The following MAD1L1 variants were observed in gnomAD, a reference collection of about 807,000 sequenced individuals.
MAD1L1 encodes the protein mitotic arrest deficient 1 like 1, also known as mitotic spindle assembly checkpoint protein MAD1.
A neutral mutation model predicts 96.9 loss-of-function variants in MAD1L1; 95 were observed. That is an observed-to-expected ratio of 0.98 (90% CI 0.83 to 1.16). MAD1L1 has a LOEUF of 1.16. MAD1L1 is among the 50% of genes most tolerant of loss of function. The probability of loss-of-function intolerance (pLI) is 0.00; values close to 1 mark genes in which losing one functional copy is unlikely to be tolerated. For missense variants in MAD1L1, 1,007 were observed against 954.4 expected, an observed-to-expected ratio of 1.06 and a Z score of -0.73; for synonymous variants, 473 against 396.6, an observed-to-expected ratio of 1.19 and a Z score of -2.29.
intron 16 of MAD1L1, among the ~76,000 whole-genome samples, chr7:1,949,961 G>A (rs966193016): frequency 1.3e-5 from 2 of 152,246 alleles, no homozygotes; most frequent in Admixed American, 1.3e-4. Flanking sequence ...TCTACCCCAA[G>A]TGCAAGACAT....
chr7:2,167,206 T>G lies in MAD1L1; in HGVS notation c.987-17968A>C, dbSNP rs370840043. On this transcript the variant is annotated intron_variant, in intron 10 of 18. Transcript: ENST00000265854. Reference sequence around the variant, plus strand: ...GGCAGGTCAGGGAAAACCAAGGGACTATGACTTCAGAGATAACAGGTGACA... The same window carrying G: ...GGCAGGTCAGGGAAAACCAAGGGACGATGACTTCAGAGATAACAGGTGACA... Among the ~76,000 whole-genome samples, 79 of 152,318 alleles carry G rather than the reference T, an allele frequency of 5.2e-4. 1 individual carries two copies. In the East Asian group the frequency reaches 0.014, roughly 28 times the overall value.
At chr7:2,211,360 G>A (rs865800401) in intron 10 of MAD1L1, among the ~76,000 whole-genome samples, 2 of 152,336 alleles carry the variant, frequency 1.3e-5, no homozygotes, top group Middle Eastern at 6.8e-3. Flanking sequence ...GCGCTCAGAT[G>A]CGGGAACAGG....
intron 12 of MAD1L1, among the ~76,000 whole-genome samples, chr7:2,043,830 A>G (rs1187874928): frequency 6.6e-6 from 1 of 152,190 alleles, no homozygotes; most frequent in Non-Finnish European, 1.5e-5. Flanking sequence ...CAACATAGAC[A>G]TAAGCTGGGC....
At chr7:1,917,635 G>A (rs946651246) in intron 17 of MAD1L1, among the ~76,000 whole-genome samples, 2 of 152,390 alleles carry the variant, frequency 1.3e-5, no homozygotes, top group Admixed American at 1.3e-4. Context: ...GTGCCAGAAA[G>A]AAAGAGGAGA....
At chr7:2,189,944 C>T (rs947318360) in intron 10 of MAD1L1, among the ~76,000 whole-genome samples, 1 of 152,184 alleles carries the variant, frequency 6.6e-6, no homozygotes, top group Non-Finnish European at 1.5e-5. Context: ...AAGGCCAGGA[C>T]AGCCATTCTC....
At chr7:2,186,883 T>G (rs1024751337) in intron 10 of MAD1L1, among the ~76,000 whole-genome samples, 2 of 150,980 alleles carry the variant, frequency 1.3e-5, no homozygotes, top group Admixed American at 1.3e-4. Flanking sequence ...AAGCTCCACC[T>G]ACCAGGTTCA....
chr7:1,823,809 G>C (rs1353467818), intron 18 of MAD1L1, among the ~76,000 whole-genome samples: 1 of 152,154 alleles, frequency 6.6e-6, no homozygotes, highest in African/African-American at 2.4e-5. Flanking sequence ...CTGCTGGGCC[G>C]GGGGAGGCAT....
chr7:2,220,918 G>A, intron 5 of MAD1L1: 1 of 1,612,064 alleles, frequency 6.2e-7, no homozygotes. Context: ...GCAGGGCCGA[G>A]CCCACCTGCC....
intron 10 of MAD1L1, among the ~76,000 whole-genome samples, chr7:2,203,587 G>C (rs1236503750): frequency 2.6e-5 from 4 of 152,190 alleles, no homozygotes; most frequent in Non-Finnish European, 5.9e-5. Flanking sequence ...CCATCAACAG[G>C]GGCTGCTGGA....
chr7:2,219,389 A>AC lies in MAD1L1; in HGVS notation c.538dup (p.Val180GlyfsTer47), dbSNP rs777516814. The stretch of plus-strand genomic sequence containing the variant: ...CTGCTTCTCCGACTCCAGGCGCTTC[A>AC]CCCGCATCTCCTGGTCCATCACGCT... On this transcript the variant is annotated frameshift_variant, in exon 6 of 19. Coordinates refer to ENST00000265854, the MANE Select transcript of MAD1L1 (RefSeq NM_001013836.2). LOFTEE classifies it high-confidence loss of function. The AC allele has an allele frequency of 1.9e-6, 3 of 1,609,694 alleles. No individual in the cohort carries two copies.
intron 18 of MAD1L1, among the ~76,000 whole-genome samples, chr7:1,892,296 C>T (rs181742165): frequency 2.6e-5 from 4 of 152,294 alleles, no homozygotes; most frequent in African/African-American, 9.6e-5. Flanking sequence ...TAGGAAGTTC[C>T]CGCAAAGACA....
chr7:1,961,065 A>G (rs1779931877), intron 15 of MAD1L1, among the ~76,000 whole-genome samples: 1 of 152,218 alleles, frequency 6.6e-6, no homozygotes, highest in African/African-American at 2.4e-5. Context: ...AAAAACCTGC[A>G]CGTGACAAGC....
chr7:2,124,613 C>T (rs1788142891), intron 11 of MAD1L1, among the ~76,000 whole-genome samples: 1 of 152,162 alleles, frequency 6.6e-6, no homozygotes, highest in African/African-American at 2.4e-5. Flanking sequence ...GGTCACGAAG[C>T]CCCCGCTCTG....
chr7:1,907,596 C>A (rs1035097426), intron 17 of MAD1L1, among the ~76,000 whole-genome samples: 13 of 152,256 alleles, frequency 8.5e-5, no homozygotes, highest in African/African-American at 3.1e-4. Context: ...TGATTCCAGG[C>A]TCCATACACT....
At chr7:1,951,091 G>A (rs1484314008) in intron 16 of MAD1L1, among the ~76,000 whole-genome samples, 1 of 152,260 alleles carries the variant, frequency 6.6e-6, no homozygotes, top group African/African-American at 2.4e-5. Flanking sequence ...TGCTCCCCTG[G>A]CCTGCCGAGG....
intron 12 of MAD1L1, among the ~76,000 whole-genome samples, chr7:2,027,595 T>A (rs556702041): frequency 1.5e-4 from 23 of 152,076 alleles, no homozygotes; most frequent in Non-Finnish European, 2.5e-4. Flanking sequence ...TAGAAGAAAA[T>A]CAAATGATCA....
intron 11 of MAD1L1, among the ~76,000 whole-genome samples, chr7:2,083,656 G>C (rs3778948): frequency 3.3e-5 from 5 of 152,192 alleles, no homozygotes; most frequent in Non-Finnish European, 7.4e-5. Context: ...CAACGGCATC[G>C]GACGCTAGGA....
At chr7:1,856,486 C>T (rs1357433083) in intron 18 of MAD1L1, among the ~76,000 whole-genome samples, 8 of 152,246 alleles carry the variant, frequency 5.3e-5, no homozygotes, top group African/African-American at 9.6e-5. Context: ...CCACAGCCCC[C>T]GCTGGCCAGC....
At position 1,874,360 on chromosome 7, in the gene MAD1L1, G is replaced by A. The variant is rs547416744; in HGVS notation, c.1998+23840C>T. On this transcript the variant is annotated intron_variant, in intron 18 of 18. Transcript: ENST00000265854. ...CGTGGCTTGGGATGGTCAGGGAAGCGTCTCAGGAGGAGACGTTGCAGCAGC... is the reference window on the plus strand; with the variant it reads ...CGTGGCTTGGGATGGTCAGGGAAGCATCTCAGGAGGAGACGTTGCAGCAGC... The A allele has an allele frequency of 2.6e-4, 95 of 363,056 alleles. 1 individual carries two copies. Among genetic ancestry groups the A allele is most frequent in the African/African-American group, 1.0e-3 (48 of 47,028 alleles). 22.5% of individuals were successfully genotyped at this position (363,056 alleles called of 1,614,324 possible).
Sources: allele counts gnomAD v4.1 joint callset (sites outside exome capture counted in the v4.1 genomes callset), GRCh38; gene constraint gnomAD v4.1.1; transcripts MANE v1.5; gene names NCBI Gene and HGNC (gene_info 2026-07-23, HGNC 2026-07-21).